SGTA: variants seen among roughly 807,000 people sequenced by gnomAD.
The protein encoded by SGTA is small glutamine rich tetratricopeptide repeat co-chaperone alpha.
A neutral mutation model predicts 44.3 loss-of-function variants in SGTA; 22 were observed. That is an observed-to-expected ratio of 0.50 (90% CI 0.36 to 0.71). SGTA has a LOEUF of 0.71. Among genes scored for constraint, SGTA ranks in the 30% least tolerant of loss-of-function variants. The probability of loss-of-function intolerance (pLI) is 0.00; values close to 1 mark genes in which losing one functional copy is unlikely to be tolerated. For missense variants in SGTA, 341 were observed against 435.9 expected (o/e 0.78, Z 1.94); for synonymous variants, 174 against 177.6 (o/e 0.98, Z 0.16).
At chr19:2,764,797 C>A (rs1283427097) in intron 5 of SGTA, among the ~76,000 whole-genome samples, 8 of 152,054 alleles carry the variant, frequency 5.3e-5, no homozygotes, top group Non-Finnish European at 8.8e-5. Context: ...AACTCTCAAC[C>A]TCAAGTGATC....
rs113317230 is a variant in SGTA, at chr19:2,761,475, A to G, written c.684T>C (p.Pro228=). 9,021 of 1,551,598 alleles carry G rather than the reference A, an allele frequency of 5.8e-3. 298 individuals carry two copies. The African/African-American group carries it at 0.087, about 15-fold the overall frequency. ...GGGCCGTTACCATGCTCATGAAGCC[A>G]GGGTTGTTCAGCAGGCCGGCGATGT... ...SFDIAGLLNN[P]GFMSMASNLM... is the part of the protein sequence containing the mutation. The change falls in exon 8 of 12, where the codon CCT becomes CCC. Residue 228 remains proline, a synonymous_variant. Transcript: ENST00000221566. The surrounding 1 kb of genome is among the most constrained non-coding windows in gnomAD (Gnocchi z 5.7).
At chr19:2,768,269 C>T (rs1431295002) in intron 2 of SGTA, among the ~76,000 whole-genome samples, 1 of 152,112 alleles carries the variant, frequency 6.6e-6, no homozygotes, top group Non-Finnish European at 1.5e-5. Flanking sequence ...CTCGTGTGGA[C>T]CCAGGGTCCT....
Position 2,757,329 on chromosome 19 carries a change from G to A in SGTA, c.*6+8C>T. The A allele has an allele frequency of 1.9e-6, 3 of 1,599,982 alleles. No individual in the cohort carries two copies. The highest frequency in any genetic ancestry group is 2.2e-5 in the East Asian group (1 of 44,860). ...GCCACCCCCCAGCCCCCGGCCCCAT[G>A]CACTCACGCAGCGTCACTCCTGCTG... On this transcript the variant is annotated splice_region_variant and intron_variant, in intron 11 of 11. Transcript: ENST00000221566.
intron 1 of SGTA, among the ~76,000 whole-genome samples, chr19:2,771,575 C>T (rs1315463919): frequency 1.8e-5 from 2 of 109,280 alleles, no homozygotes; most frequent in African/African-American, 7.5e-5. Flanking sequence ...ACCTCCCCAT[C>T]GGGGGGGGGG....
chr19:2,767,320 C>A lies in SGTA; in HGVS notation c.208-100G>T, dbSNP rs1915173942. 1.0e-6 allele frequency: 1 copy of A among 958,710 alleles called. No homozygotes were observed. The highest frequency in any genetic ancestry group is 2.6e-5 in the East Asian group (1 of 38,118). The allele number at this position is 958,710 out of a possible 1,614,324, so 59.4% of individuals were successfully genotyped here. A position where few individuals can be genotyped will look rare whatever the true frequency, so the allele number is the denominator to read the frequency against. On this transcript the variant is annotated intron_variant, in intron 3 of 11. Coordinates refer to ENST00000221566, the MANE Select transcript of SGTA (RefSeq NM_003021.4). The surrounding 1 kb of genome is among the most constrained non-coding windows in gnomAD (Gnocchi z 7.3). Reference sequence around the variant, plus strand: ...GACGCCAGAGAGGGCCACCAAGTTCCGAAGGACCCGGGGGCTCTGCAGGGG... The same window carrying A: ...GACGCCAGAGAGGGCCACCAAGTTCAGAAGGACCCGGGGGCTCTGCAGGGG...
Position 2,775,919 on chromosome 19 carries a change from C to T in SGTA, c.-23-6828G>A, listed in dbSNP as rs978495307. ...CGCTGGACAGGGAGTTACGGTCTTC[C>T]TGAAAGCTCCTGCGGGATGGTAATG... On this transcript the variant is annotated intron_variant, in intron 1 of 11. Transcript: ENST00000221566. Among the ~76,000 whole-genome samples the T allele has an allele frequency of 5.9e-5, 9 of 152,294 alleles. No individual in the cohort carries two copies. In the South Asian group the frequency reaches 6.2e-4, roughly 11 times the overall value.
rs900783840 is a variant in SGTA, at chr19:2,767,119, T to C, written c.292+17A>G. On this transcript the variant is annotated intron_variant, in intron 4 of 11. Transcript: ENST00000221566. The surrounding 1 kb of genome is among the most constrained non-coding windows in gnomAD (Gnocchi z 7.3). Reference sequence around the variant, plus strand: ...AGGTAGGGCGAGGTGTCTGTGGGGATGGAGGTCCTCCCTTACCTTCGGTTT... The same window carrying C: ...AGGTAGGGCGAGGTGTCTGTGGGGACGGAGGTCCTCCCTTACCTTCGGTTT... 1.3e-6 allele frequency: 2 copies of C among 1,592,226 alleles called. No individual in the cohort carries two copies. The highest frequency in any genetic ancestry group is 1.7e-6 in the Non-Finnish European group (2 of 1,164,404).
intron 1 of SGTA, among the ~76,000 whole-genome samples, chr19:2,781,022 G>A (rs961146302): frequency 2.6e-5 from 4 of 152,222 alleles, no homozygotes; most frequent in African/African-American, 9.6e-5. Flanking sequence ...GGTCGAGGCT[G>A]CAGTGAGCAG....
At chr19:2,759,078 G>A (rs779052170) in intron 9 of SGTA, among the ~76,000 whole-genome samples, 179 bp downstream of exon 9, 3 of 143,312 alleles carry the variant, frequency 2.1e-5, no homozygotes, top group Non-Finnish European at 4.5e-5. Flanking sequence ...ATGACAGTGT[G>A]ATGGTGGTGA....
At chr19:2,768,930 C>G in intron 2 of SGTA, 39 bp downstream of exon 2, 2 of 1,492,944 alleles carry the variant, frequency 1.3e-6, no homozygotes, top group Non-Finnish European at 1.9e-6. Flanking sequence ...GTGCTGGCCG[C>G]TGCCCGGGGA....
At chr19:2,769,333 C>T (rs1334380997) in intron 1 of SGTA, among the ~76,000 whole-genome samples, 1 of 152,210 alleles carries the variant, frequency 6.6e-6, no homozygotes, top group Non-Finnish European at 1.5e-5. Flanking sequence ...GCAGGGCCTG[C>T]CCTAGAGAAC....
intron 6 of SGTA, among the ~76,000 whole-genome samples, chr19:2,762,977 C>G (rs949046538): frequency 6.6e-6 from 1 of 152,184 alleles, no homozygotes; most frequent in Non-Finnish European, 1.5e-5. Context: ...GCCCCGCTTC[C>G]CGGCACAGGG....
intron 4 of SGTA, among the ~76,000 whole-genome samples, chr19:2,766,017 G>A (rs1915132112): frequency 6.6e-6 from 1 of 152,186 alleles, no homozygotes. Context: ...AGGAGACCAA[G>A]ACCATCCTGG....
chr19:2,775,396 C>T (rs781004152), intron 1 of SGTA, among the ~76,000 whole-genome samples: 6 of 152,352 alleles, frequency 3.9e-5, no homozygotes, highest in East Asian at 1.9e-4. Flanking sequence ...TGGCCCGCCA[C>T]GCTTTAAACA....
At position 2,762,635 on chromosome 19, in the gene SGTA, G is replaced by A. The variant is rs748271873; in HGVS notation, c.507C>T (p.Leu169=). Residue 169 remains leucine, a synonymous_variant, in exon 7 of 12, where the codon CTC becomes CTT. Transcript: ENST00000221566. ...SKAYGRMGLA[L]SSLNKHVEAV... ...CCTCCACGTGCTTGTTGAGGCTGGA[G>A]AGCGCCAGGCTGGAGGAGAGCACCG... 2.5e-6 allele frequency: 4 copies of A among 1,613,988 alleles called. No homozygotes were observed. Among genetic ancestry groups the A allele is most frequent in the Non-Finnish European group, 2.5e-6 (3 of 1,179,994 alleles).
intron 1 of SGTA, among the ~76,000 whole-genome samples, chr19:2,772,397 C>T (rs1391579857): frequency 6.6e-6 from 1 of 152,258 alleles, no homozygotes; most frequent in Non-Finnish European, 1.5e-5. Context: ...TCTGACCCAG[C>T]ACCCAGGAGG....
At chr19:2,775,601 C>T (rs1380444288) in intron 1 of SGTA, among the ~76,000 whole-genome samples, 1 of 152,220 alleles carries the variant, frequency 6.6e-6, no homozygotes, top group Non-Finnish European at 1.5e-5. Flanking sequence ...CAGGGTGTGA[C>T]ACCGACTCCA....
chr19:2,772,058 G>A (rs949307163), intron 1 of SGTA, among the ~76,000 whole-genome samples: 1 of 152,262 alleles, frequency 6.6e-6, no homozygotes, highest in African/African-American at 2.4e-5. Context: ...TTCCTCCGGG[G>A]CCGGGCCCAG....
intron 1 of SGTA, among the ~76,000 whole-genome samples, chr19:2,774,378 G>A (rs1370428698): frequency 2.0e-5 from 3 of 152,208 alleles, no homozygotes; most frequent in Non-Finnish European, 4.4e-5. Context: ...CACGGAGGGA[G>A]GGAGCAGCTG....
Sources: gnomAD v4.1 joint callset for allele counts (sites outside exome capture counted in the v4.1 genomes callset) on GRCh38, gnomAD v4.1.1 for gene constraint, Gnocchi (gnomAD v3.1) non-coding constraint, MANE v1.5 for transcripts, NCBI Gene and HGNC (gene_info 2026-07-23, HGNC 2026-07-21) for gene names.